The following PDE4D variants were observed in gnomAD, a reference collection of about 807,000 sequenced individuals.
PDE4D encodes 3',5'-cyclic-AMP phosphodiesterase 4D.
In PDE4D, 24 loss-of-function variants were observed where a neutral mutation model predicts 87.4. That is an observed-to-expected ratio of 0.27 (90% confidence interval 0.20 to 0.39). The LOEUF (loss-of-function observed/expected upper bound fraction) is 0.39. Among genes scored for constraint, PDE4D ranks in the 10% least tolerant of loss-of-function variants. The pLI is 1.00. For synonymous variants in PDE4D, 384 were observed against 383.2 expected (o/e 1.00, Z -0.02); for missense variants, 714 against 1,041.0 (o/e 0.69, Z 4.32).
chr5:59,077,232 A>G (rs1765835533), intron 5 of PDE4D, among the ~76,000 whole-genome samples: 1 of 152,160 alleles, frequency 6.6e-6, no homozygotes, highest in Non-Finnish European at 1.5e-5. Context: ...TTTAACAACA[A>G]AATAACAAAT....
At chr5:59,703,838 A>G (rs1310688258) in intron 1 of PDE4D, 2 of 262,206 alleles carry the variant, frequency 7.6e-6, no homozygotes, top group Admixed American at 5.0e-5. Flanking sequence ...ACATTGAATC[A>G]TCATCTAATA....
chr5:59,600,850 C>T (rs1373839614), intron 1 of PDE4D, among the ~76,000 whole-genome samples: 1 of 152,172 alleles, frequency 6.6e-6, no homozygotes, highest in Admixed American at 6.5e-5. Context: ...AAGCTATGCT[C>T]AATTTGTGGA....
intron 2 of PDE4D, among the ~76,000 whole-genome samples, chr5:60,168,490 G>C (rs931262782): frequency 5.3e-5 from 8 of 152,072 alleles, no homozygotes; most frequent in African/African-American, 1.9e-4. Flanking sequence ...CCCTTCTTCT[G>C]TGAACCCTCT....
intron 1 of PDE4D, among the ~76,000 whole-genome samples, chr5:59,467,459 A>C (rs1366944089): frequency 6.6e-6 from 1 of 152,208 alleles, no homozygotes; most frequent in Non-Finnish European, 1.5e-5. Flanking sequence ...AGTAACAGGT[A>C]ATGGTCTCTG....
intron 1 of PDE4D, among the ~76,000 whole-genome samples, chr5:59,611,181 C>T (rs900066954): frequency 6.6e-6 from 1 of 152,160 alleles, no homozygotes; most frequent in African/African-American, 2.4e-5. Context: ...ATGAAGGCAT[C>T]AGCAGATTGG....
At chr5:60,009,098 C>A (rs1764765349) in intron 2 of PDE4D, among the ~76,000 whole-genome samples, 1 of 152,002 alleles carries the variant, frequency 6.6e-6, no homozygotes, top group African/African-American at 2.4e-5. Flanking sequence ...TGAATACAGG[C>A]ATTCAGCTGT....
At chr5:59,922,600 G>A (rs528104166) in intron 3 of PDE4D, among the ~76,000 whole-genome samples, 5 of 152,176 alleles carry the variant, frequency 3.3e-5, no homozygotes, top group Admixed American at 2.0e-4. Flanking sequence ...AAATACCCTG[G>A]ACCAAAAGGG....
intron 1 of PDE4D, among the ~76,000 whole-genome samples, chr5:60,273,237 G>A (rs1237175288): frequency 1.3e-5 from 2 of 152,046 alleles, no homozygotes; most frequent in Non-Finnish European, 2.9e-5. Context: ...TCTATTCAGA[G>A]GTAGTGTCTT....
At chr5:59,515,625 T>G (rs2153670592) in intron 1 of PDE4D, among the ~76,000 whole-genome samples, 1 of 152,302 alleles carries the variant, frequency 6.6e-6, no homozygotes, top group South Asian at 2.1e-4. Context: ...ATATAAAAAT[T>G]ATTAGATTTG....
At chr5:60,482,574 G>C (rs995904563) in intron 1 of PDE4D, among the ~76,000 whole-genome samples, 3 of 152,230 alleles carry the variant, frequency 2.0e-5, no homozygotes, top group African/African-American at 4.8e-5. Flanking sequence ...AAGGTGATAA[G>C]AGTGGAGTCA....
intron 1 of PDE4D, among the ~76,000 whole-genome samples, chr5:60,250,060 AC>A (rs1460780749): frequency 6.6e-6 from 1 of 151,960 alleles, no homozygotes; most frequent in African/African-American, 2.4e-5. Flanking sequence ...ATACACTGTA[AC>A]CCCAGTAATA....
At chr5:60,126,278 G>A (rs571743676) in intron 2 of PDE4D, among the ~76,000 whole-genome samples, 2 of 150,666 alleles carry the variant, frequency 1.3e-5, no homozygotes, top group African/African-American at 4.9e-5. Flanking sequence ...ACTTAAACCC[G>A]AGGTCATTAG....
At chr5:60,505,984 A>G (rs1230330560) in intron 1 of PDE4D, among the ~76,000 whole-genome samples, 1 of 152,238 alleles carries the variant, frequency 6.6e-6, no homozygotes, top group Non-Finnish European at 1.5e-5. Context: ...CACAATTTGC[A>G]TCTTCTTCAT....
chr5:60,257,698 C>T lies in PDE4D; in HGVS notation c.-89-72011G>A, dbSNP rs181548631. 2.8e-3 allele frequency among the ~76,000 whole-genome samples: 420 copies of T among 152,054 alleles called. 2 individuals are homozygous for T. Among genetic ancestry groups the T allele is most frequent in the African/African-American group, 9.4e-3 (392 of 41,520 alleles). On this transcript the variant is annotated intron_variant, in intron 1 of 16. Coordinates refer to the PDE4D transcript ENST00000502484. ...CAGTAGATGCTGACAGATTCAGCAGCTCCTCAGACAAAATGGACATTTCTC... is the reference window on the plus strand; with the variant it reads ...CAGTAGATGCTGACAGATTCAGCAGTTCCTCAGACAAAATGGACATTTCTC...
intron 1 of PDE4D, among the ~76,000 whole-genome samples, chr5:59,794,810 T>C (rs1168812345): frequency 6.6e-6 from 1 of 152,158 alleles, no homozygotes; most frequent in African/African-American, 2.4e-5. Context: ...TGATCCTTCA[T>C]ATAACACTTT....
intron 3 of PDE4D, among the ~76,000 whole-genome samples, chr5:59,920,606 G>A (rs890602639): frequency 1.3e-5 from 2 of 152,154 alleles, no homozygotes; most frequent in Non-Finnish European, 2.9e-5. Context: ...ACAGACCCTG[G>A]AGCCACATTA....
At chr5:59,121,218 A>C (rs1173769073) in intron 5 of PDE4D, among the ~76,000 whole-genome samples, 2 of 152,236 alleles carry the variant, frequency 1.3e-5, no homozygotes, top group Non-Finnish European at 2.9e-5. Flanking sequence ...TGAACTAAAA[A>C]TTTCTGTATA....
At chr5:59,894,301 C>T (rs1380888986), upstream of PDE4D, among the ~76,000 whole-genome samples, 1 of 152,178 alleles carries the variant, frequency 6.6e-6, no homozygotes, top group Non-Finnish European at 1.5e-5. Context: ...GTTCTCAGAG[C>T]TTGTTGACGA....
chr5:59,705,209 G>A (rs769287988), intron 1 of PDE4D, among the ~76,000 whole-genome samples: 17 of 152,266 alleles, frequency 1.1e-4, no homozygotes, highest in Non-Finnish European at 1.9e-4. Context: ...GGCCTGAGAA[G>A]AAGAGAGGCC....
Sources: allele counts gnomAD v4.1 joint callset (sites outside exome capture counted in the v4.1 genomes callset), GRCh38; gene constraint gnomAD v4.1.1; transcripts MANE v1.5; gene names NCBI Gene and HGNC (gene_info 2026-07-23, HGNC 2026-07-21).